The following ZMAT4 variants were observed in gnomAD, a reference collection of about 807,000 sequenced individuals.
ZMAT4 encodes zinc finger matrin-type 4.
ZMAT4 carries 17 observed loss-of-function variants against 28.7 expected under a neutral mutation model. The observed-to-expected ratio is 0.59, with a 90% CI of 0.41 to 0.89. The LOEUF is 0.89. Among genes scored for constraint, ZMAT4 ranks in the 40% least tolerant of loss-of-function variants. ZMAT4 has a pLI of 0.00. For missense variants in ZMAT4, 240 were observed against 283.8 expected (o/e 0.85, Z 1.11); for synonymous variants, 117 against 109.2 (o/e 1.07, Z -0.44).
At chr8:40,880,785 T>C (rs999688673) in intron 1 of ZMAT4, among the ~76,000 whole-genome samples, 2 of 152,196 alleles carry the variant, frequency 1.3e-5, no homozygotes, top group Non-Finnish European at 2.9e-5. Context: ...CATCCTTCCA[T>C]GTATTTTTAG....
At chr8:40,571,422 T>A (rs1290590699) in intron 6 of ZMAT4, among the ~76,000 whole-genome samples, 1 of 152,242 alleles carries the variant, frequency 6.6e-6, no homozygotes, top group Non-Finnish European at 1.5e-5. Context: ...CTTTTCCATG[T>A]GAGAAGTTAG....
At chr8:40,872,217 A>G (rs1422962097) in intron 1 of ZMAT4, among the ~76,000 whole-genome samples, 1 of 152,214 alleles carries the variant, frequency 6.6e-6, no homozygotes, top group East Asian at 1.9e-4. Context: ...GCATGCACAC[A>G]CGCACACACT....
intron 5 of ZMAT4, among the ~76,000 whole-genome samples, chr8:40,615,461 G>A (rs1370467418): frequency 6.6e-6 from 1 of 152,152 alleles, no homozygotes; most frequent in Non-Finnish European, 1.5e-5. Flanking sequence ...TCCTGAATTT[G>A]AATGTTGGCC....
intron 2 of ZMAT4, among the ~76,000 whole-genome samples, chr8:40,778,204 T>A (rs1168403810): frequency 6.6e-6 from 1 of 152,236 alleles, no homozygotes; most frequent in African/African-American, 2.4e-5. Flanking sequence ...AATTATATTT[T>A]AAAAGTCAAA....
intron 3 of ZMAT4, among the ~76,000 whole-genome samples, chr8:40,735,784 G>A (rs996491933): frequency 6.6e-6 from 1 of 152,194 alleles, no homozygotes; most frequent in East Asian, 1.9e-4. Flanking sequence ...ACATATGGAC[G>A]TTTAACCGCA....
chr8:40,587,114 GA>G (rs199859817), intron 5 of ZMAT4, among the ~76,000 whole-genome samples: 134 of 118,228 alleles, frequency 1.1e-3, no homozygotes, highest in African/African-American at 1.6e-3. Flanking sequence ...AGTGATAAAA[GA>G]AAAAAAAAAA....
chr8:40,654,343 T>C (rs951123968), intron 5 of ZMAT4, among the ~76,000 whole-genome samples: 4 of 152,154 alleles, frequency 2.6e-5, no homozygotes, highest in African/African-American at 9.7e-5. Context: ...GTGAAATGCA[T>C]GCAATGAGGC....
chr8:40,601,180 A>G (rs1164267950), intron 5 of ZMAT4, among the ~76,000 whole-genome samples: 1 of 152,078 alleles, frequency 6.6e-6, no homozygotes, highest in African/African-American at 2.4e-5. Flanking sequence ...GGTAGTGGAA[A>G]CAGGGTCAGG....
At chr8:40,583,657 C>T (rs1397770239) in intron 5 of ZMAT4, among the ~76,000 whole-genome samples, 4 of 152,134 alleles carry the variant, frequency 2.6e-5, no homozygotes, top group Non-Finnish European at 5.9e-5. Flanking sequence ...CTCAGGAGGT[C>T]CTGAGGACAT....
chr8:40,864,152 G>A (rs779421417), intron 1 of ZMAT4, among the ~76,000 whole-genome samples: 3 of 152,178 alleles, frequency 2.0e-5, no homozygotes, highest in South Asian at 2.1e-4. Flanking sequence ...GGGTGTTCCC[G>A]GGTTCAGGAA....
chr8:40,870,518 T>C (rs1817820004), intron 1 of ZMAT4, among the ~76,000 whole-genome samples: 1 of 152,244 alleles, frequency 6.6e-6, no homozygotes, highest in Admixed American at 6.5e-5. Flanking sequence ...AGAAGTCTGA[T>C]TAATTCTAGA....
At chr8:40,681,487 T>G (rs1371349713) in intron 4 of ZMAT4, among the ~76,000 whole-genome samples, 1 of 152,232 alleles carries the variant, frequency 6.6e-6, no homozygotes, top group Admixed American at 6.5e-5. Context: ...GATCATTCAG[T>G]GAGTGGCTTA....
intron 4 of ZMAT4, among the ~76,000 whole-genome samples, chr8:40,692,516 C>G (rs1052863921): frequency 6.6e-6 from 1 of 152,106 alleles, no homozygotes; most frequent in African/African-American, 2.4e-5. Flanking sequence ...ATTTCTTGTT[C>G]GTGCAAAGTC....
chr8:40,575,134 C>A (rs1262512218), intron 6 of ZMAT4, among the ~76,000 whole-genome samples: 1 of 152,138 alleles, frequency 6.6e-6, no homozygotes, highest in Non-Finnish European at 1.5e-5. Context: ...GGCCATGACT[C>A]TAATTTTGAG....
chr8:40,697,624 T>C lies in ZMAT4; in HGVS notation c.193-223A>G, dbSNP rs1029193384. On this transcript the variant is annotated intron_variant, in intron 3 of 6. Coordinates refer to ENST00000297737, the MANE Select transcript of ZMAT4 (RefSeq NM_024645.3). ...GTGCAGAAAGTGCAGGTTTGTTACATAGGTATACATGTGCCATGGTGGTTT... is the reference window on the plus strand; with the variant it reads ...GTGCAGAAAGTGCAGGTTTGTTACACAGGTATACATGTGCCATGGTGGTTT... Among the ~76,000 whole-genome samples the C allele has an allele frequency of 1.1e-4, 17 of 152,118 alleles. 1 individual carries two copies. Among genetic ancestry groups the C allele is most frequent in the Admixed American group, 1.1e-3 (17 of 15,270 alleles).
intron 5 of ZMAT4, among the ~76,000 whole-genome samples, chr8:40,592,926 T>C (rs1156366756): frequency 6.6e-6 from 1 of 152,234 alleles, no homozygotes; most frequent in Non-Finnish European, 1.5e-5. Context: ...TTTTGTTTTT[T>C]GTGCTCTGAA....
intron 1 of ZMAT4, among the ~76,000 whole-genome samples, chr8:40,881,937 G>A (rs1818295587): frequency 6.6e-6 from 1 of 152,172 alleles, no homozygotes; most frequent in African/African-American, 2.4e-5. Flanking sequence ...GTAGCGCGCA[G>A]AATCACCTGG....
chr8:40,844,771 C>T (rs1324596565), intron 1 of ZMAT4, among the ~76,000 whole-genome samples: 1 of 150,384 alleles, frequency 6.6e-6, no homozygotes, highest in Non-Finnish European at 1.5e-5. Flanking sequence ...CAAAGTGATC[C>T]CACATTCATC....
chr8:40,742,747 A>G (rs1812061777), intron 3 of ZMAT4, among the ~76,000 whole-genome samples: 1 of 103,500 alleles, frequency 9.7e-6, no homozygotes, highest in South Asian at 3.8e-4. Context: ...ATGTGCACGC[A>G]TGCACACACA....
Sources: gnomAD v4.1 joint callset for allele counts (sites outside exome capture counted in the v4.1 genomes callset) on GRCh38, gnomAD v4.1.1 for gene constraint, MANE v1.5 for transcripts, NCBI Gene and HGNC (gene_info 2026-07-23, HGNC 2026-07-21) for gene names.